The following DOCK1 variants were observed in gnomAD, a reference collection of about 807,000 sequenced individuals.
The protein encoded by DOCK1 is dedicator of cytokinesis 1.
DOCK1 carries 138 observed loss-of-function variants against 262.7 expected under a neutral mutation model. The ratio of observed to expected loss-of-function variants is 0.53; its 90% CI spans 0.46 to 0.61. The LOEUF (loss-of-function observed/expected upper bound fraction) is 0.61. Among genes scored for constraint, DOCK1 ranks in the 20% least tolerant of loss-of-function variants. The pLI is 0.00. For synonymous variants in DOCK1, 866 were observed against 867.4 expected (o/e 1.00, Z 0.03); for missense variants, 1,908 against 2,370.7 (o/e 0.80, Z 4.05).
intron 23 of DOCK1, among the ~76,000 whole-genome samples, chr10:127,071,000 G>A (rs914330864): frequency 2.6e-5 from 4 of 152,108 alleles, no homozygotes; most frequent in African/African-American, 2.4e-5. Flanking sequence ...GCTGTCTGAC[G>A]TTCTGGACTA....
chr10:127,018,981 A>G (rs929863753), intron 13 of DOCK1, 146 bp downstream of exon 13: 2 of 1,237,648 alleles, frequency 1.6e-6, no homozygotes, highest in Admixed American at 2.8e-5. Flanking sequence ...CAGCATGGTT[A>G]TGGATCATGG....
chr10:126,956,254 C>T (rs946260747), intron 1 of DOCK1, among the ~76,000 whole-genome samples: 1 of 152,230 alleles, frequency 6.6e-6, no homozygotes, highest in Non-Finnish European at 1.5e-5. Context: ...GCAGACTTCT[C>T]CCTCCAGAGC....
intron 29 of DOCK1, among the ~76,000 whole-genome samples, chr10:127,303,596 C>T (rs527511424): frequency 8.5e-6 from 1 of 117,212 alleles, no homozygotes; most frequent in Non-Finnish European, 1.8e-5. Flanking sequence ...GGGAGGCCCA[C>T]ACCTGTAATC....
Position 127,446,372 on chromosome 10 carries a change from G to T in DOCK1, c.5414-1022G>T, listed in dbSNP as rs1037408972. ...CGTTTGGGGTGATGGAAATGTTTCAGAAATACATCATGGTGATGGTTATCC... is the reference window on the plus strand; with the variant it reads ...CGTTTGGGGTGATGGAAATGTTTCATAAATACATCATGGTGATGGTTATCC... On this transcript the variant is annotated intron_variant, in intron 50 of 51. Transcript: ENST00000623213. This position sits in a 1 kb window ranked among gnomAD's most constrained non-coding sequence, Gnocchi z 4.4. 1.3e-5 allele frequency among the ~76,000 whole-genome samples: 2 copies of T among 152,162 alleles called. No homozygotes were observed. Among genetic ancestry groups the T allele is most frequent in the African/African-American group, 4.8e-5 (2 of 41,432 alleles).
intron 27 of DOCK1, among the ~76,000 whole-genome samples, chr10:127,171,033 C>T (rs1252750828): frequency 3.3e-5 from 5 of 152,186 alleles, no homozygotes; most frequent in African/African-American, 1.2e-4. Context: ...GTCCTTTATT[C>T]AGCGCCAACT....
chr10:127,214,186 G>A (rs978760866), intron 27 of DOCK1, among the ~76,000 whole-genome samples: 1 of 152,032 alleles, frequency 6.6e-6, no homozygotes, highest in Admixed American at 6.5e-5. Context: ...ATTCATACAA[G>A]AGAAGAAATA....
Position 127,400,515 on chromosome 10 carries a change from T to C in DOCK1, c.3928-2540T>C, listed in dbSNP as rs533175139. Among the ~76,000 whole-genome samples the C allele has an allele frequency of 3.3e-5, 5 of 152,240 alleles. No individual in the cohort carries two copies. The South Asian group carries it at 1.0e-3, about 32-fold the overall frequency. On this transcript the variant is annotated intron_variant, in intron 38 of 51. Coordinates refer to ENST00000623213, the MANE Select transcript of DOCK1 (RefSeq NM_001290223.2). ...ATGTGGCCATCAGGAGCAAGGACTT[T>C]CAAAAAGGCCACGCTGGGTCAAGCC...
chr10:127,049,722 G>GA (rs574302021), intron 21 of DOCK1, among the ~76,000 whole-genome samples: 172 of 148,622 alleles, frequency 1.2e-3, no homozygotes, highest in African/African-American at 3.0e-3. Flanking sequence ...ATGCTTTTGT[G>GA]AAAAAAAAAT....
intron 4 of DOCK1, among the ~76,000 whole-genome samples, chr10:126,983,283 C>A (rs1431793565): frequency 6.6e-6 from 1 of 152,214 alleles, no homozygotes; most frequent in Admixed American, 6.5e-5. Context: ...CAGCTCCTTC[C>A]CTGAAGAACC....
intron 29 of DOCK1, among the ~76,000 whole-genome samples, chr10:127,312,395 CAA>C (rs1374417104): frequency 6.6e-6 from 1 of 152,180 alleles, no homozygotes; most frequent in African/African-American, 2.4e-5. Flanking sequence ...GCTGCAAACA[CAA>C]GAGATCTGGG....
intron 23 of DOCK1, among the ~76,000 whole-genome samples, chr10:127,083,886 T>C (rs1441704532): frequency 6.6e-6 from 1 of 152,226 alleles, no homozygotes; most frequent in Non-Finnish European, 1.5e-5. Context: ...TTAGGATTGC[T>C]TGACATCTTC....
intron 27 of DOCK1, among the ~76,000 whole-genome samples, chr10:127,228,307 A>G (rs1298791603): frequency 2.0e-5 from 3 of 152,118 alleles, no homozygotes; most frequent in African/African-American, 4.8e-5. Context: ...TGCTCTTGCT[A>G]AATTCTCCAG....
chr10:127,430,566 G>A (rs1021061843), intron 47 of DOCK1, among the ~76,000 whole-genome samples: 14 of 151,942 alleles, frequency 9.2e-5, no homozygotes, highest in South Asian at 2.1e-4. Flanking sequence ...CATCACACTC[G>A]CACCCTCCCT....
intron 29 of DOCK1, among the ~76,000 whole-genome samples, chr10:127,263,008 T>A (rs1301550591): frequency 6.6e-6 from 1 of 152,228 alleles, no homozygotes; most frequent in East Asian, 1.9e-4. Context: ...GCCACCTAGC[T>A]ACCCTGCCTC....
chr10:126,930,927 G>C (rs1591354224), intron 1 of DOCK1, among the ~76,000 whole-genome samples: 1 of 152,162 alleles, frequency 6.6e-6, no homozygotes, highest in Non-Finnish European at 1.5e-5. Flanking sequence ...TGAAAGGGGA[G>C]CTGATAGAGG....
intron 27 of DOCK1, among the ~76,000 whole-genome samples, chr10:127,241,093 C>T (rs558227810): frequency 2.6e-4 from 39 of 152,212 alleles, no homozygotes; most frequent in Admixed American, 1.6e-3. Flanking sequence ...GAGGCCAAGG[C>T]GGGTGGATCA....
rs138683973 is a variant in DOCK1, at chr10:127,380,564, T to G, written c.3716+442T>G. 1.9e-3 allele frequency among the ~76,000 whole-genome samples: 283 copies of G among 152,322 alleles called. 1 individual carries two copies. Among genetic ancestry groups the G allele is most frequent in the African/African-American group, 6.5e-3 (271 of 41,580 alleles). On this transcript the variant is annotated intron_variant, in intron 36 of 51. Transcript: ENST00000623213. Reference sequence around the variant, plus strand: ...CCATAGTCCCGTGTTTTTTATGTCTTTCTTCCATGAAGAAGAGAAACATTT... The same window carrying G: ...CCATAGTCCCGTGTTTTTTATGTCTGTCTTCCATGAAGAAGAGAAACATTT...
intron 29 of DOCK1, among the ~76,000 whole-genome samples, chr10:127,290,447 C>T (rs976500872): frequency 9.2e-5 from 14 of 152,048 alleles, no homozygotes; most frequent in Non-Finnish European, 2.1e-4. Context: ...TAAAGATGTC[C>T]ACAGTTATGA....
intron 27 of DOCK1, among the ~76,000 whole-genome samples, chr10:127,183,995 G>A (rs572623710): frequency 5.0e-4 from 76 of 152,012 alleles, no homozygotes; most frequent in Non-Finnish European, 9.0e-4. Context: ...TAATGTCTTC[G>A]AAGGTTTATC....
Sources: allele counts gnomAD v4.1 joint callset (sites outside exome capture counted in the v4.1 genomes callset), GRCh38; gene constraint gnomAD v4.1.1; non-coding constraint Gnocchi (gnomAD v3.1); transcripts MANE v1.5; gene names NCBI Gene and HGNC (gene_info 2026-07-23, HGNC 2026-07-21).